The following LRP2 variants were observed in gnomAD, a reference collection of about 807,000 sequenced individuals.
LRP2 encodes LDL receptor related protein 2, also known as low-density lipoprotein receptor-related protein 2.
In LRP2, 172 loss-of-function variants were observed where a neutral mutation model predicts 531.0. The ratio of observed to expected loss-of-function variants is 0.32; its 90% CI spans 0.29 to 0.37. The LOEUF is 0.37. LRP2 is among the 10% of genes least tolerant of loss of function. The pLI, the probability that LRP2 is intolerant of heterozygous loss-of-function variation, is 1.00. For synonymous variants in LRP2, 1,992 were observed against 2,027.6 expected, an observed-to-expected ratio of 0.98 and a Z score of 0.47; for missense variants, 5,167 against 5,868.3, an observed-to-expected ratio of 0.88 and a Z score of 3.90.
chr2:169,169,822 A>C lies in LRP2; in HGVS notation c.11381-4T>G. 6.3e-7 allele frequency: 1 copy of C among 1,590,938 alleles called. No homozygotes were observed. The highest frequency in any genetic ancestry group is 8.6e-7 in the Non-Finnish European group (1 of 1,158,926). ...TCAGGATGGCAGGTCCTCATCTCTG[A>C]AGAGAAAAGATTGTCATTCCGAGAA... On this transcript the variant is annotated splice_polypyrimidine_tract_variant and splice_region_variant and intron_variant, in intron 59 of 78. Coordinates refer to ENST00000649046, the MANE Select transcript of LRP2 (RefSeq NM_004525.3).
intron 1 of LRP2, among the ~76,000 whole-genome samples, chr2:169,350,464 G>T (rs1001922203): frequency 6.6e-6 from 1 of 152,044 alleles, no homozygotes; most frequent in African/African-American, 2.4e-5. Flanking sequence ...CAGGCACAGT[G>T]GTTCATGCCT....
At chr2:169,205,884 T>C in intron 40 of LRP2, 139 bp downstream of exon 40, 1 of 1,205,092 alleles carries the variant, frequency 8.3e-7, no homozygotes, top group South Asian at 1.3e-5. Flanking sequence ...GTAAAATCAC[T>C]CAATATGCTT....
chr2:169,193,058 C>T (rs778834735), intron 47 of LRP2, among the ~76,000 whole-genome samples: 1 of 152,118 alleles, frequency 6.6e-6, no homozygotes, highest in African/African-American at 2.4e-5. Context: ...GCATAACACC[C>T]CTCCCTCCAT....
chr2:169,362,396 C>A lies in LRP2; in HGVS notation c.4G>T (p.Asp2Tyr). ...CACGCCACTGCTGCCGGCCCGCGAT[C>A]CATCTCCGCGACGGTCCCCGGCCTC... M[D>Y]RGPAAVACTL... Residue 2 changes from aspartate to tyrosine, a missense_variant, in exon 1 of 79, where the codon GAT becomes TAT. Physicochemically the swap from Asp to Tyr is radical, Grantham distance 160 (BLOSUM62 -3). Transcript: ENST00000649046. 6.4e-7 allele frequency: 1 copy of A among 1,562,536 alleles called. No homozygotes were observed. The highest frequency in any genetic ancestry group is 8.7e-7 in the Non-Finnish European group (1 of 1,155,970).
At chr2:169,158,020 A>T (rs1231359998) in intron 63 of LRP2, among the ~76,000 whole-genome samples, 1 of 150,858 alleles carries the variant, frequency 6.6e-6, no homozygotes, top group Non-Finnish European at 1.5e-5. Flanking sequence ...ATAAAATTTT[A>T]AGAAGACTAT....
At chr2:169,137,311 A>G in intron 76 of LRP2, 81 bp downstream of exon 76, 2 of 1,051,654 alleles carry the variant, frequency 1.9e-6, no homozygotes, top group Non-Finnish European at 3.0e-6. Flanking sequence ...AGGGAAGGTT[A>G]GGAAAATCCT....
intron 66 of LRP2, among the ~76,000 whole-genome samples, chr2:169,154,210 CAAG>C (rs891220026): frequency 1.3e-5 from 2 of 152,090 alleles, no homozygotes; most frequent in Non-Finnish European, 2.9e-5. Flanking sequence ...TTTCAAAATA[CAAG>C]AAGATGTGAG....
rs1159336268 is a variant in LRP2 at position 169,239,677 on chromosome 2, C to T, written c.4144G>A (p.Ala1382Thr). 2 of 1,613,420 alleles carry T rather than the reference C, an allele frequency of 1.2e-6. No individual in the cohort carries two copies. The highest frequency in any genetic ancestry group is 1.1e-5 in the South Asian group (1 of 91,062). ...KCLCPLGFLL[A>T]NDSKTCEDID... Reference sequence around the variant, plus strand: ...TCTTCACAGGTCTTAGAATCATTGGCAAGTAAGAATCCCAATGGACATAGG... The same window carrying T: ...TCTTCACAGGTCTTAGAATCATTGGTAAGTAAGAATCCCAATGGACATAGG... The change falls in exon 26 of 79, where the codon GCC (alanine) becomes ACC (threonine). Residue 1382 changes from alanine to threonine, a missense_variant. Ala to Thr is a moderately conservative substitution (Grantham distance 58). Transcript: ENST00000649046.
intron 68 of LRP2, among the ~76,000 whole-genome samples, chr2:169,148,547 G>A (rs1188267820): frequency 6.6e-6 from 1 of 152,112 alleles, no homozygotes; most frequent in African/African-American, 2.4e-5. Context: ...GGGACTGCTT[G>A]AGCCCAGGAG....
At position 169,128,101 on chromosome 2, in the gene LRP2, A is replaced by G. The variant is rs1685159112; in HGVS notation, c.*562T>C. ...CTTCTGTATTATCTGAGGAGTCTAC[A>G]GTCAAGTCCAGATGTCTATACAACA... On this transcript the variant is annotated 3_prime_UTR_variant, in exon 79 of 79. Coordinates refer to ENST00000649046, the MANE Select transcript of LRP2 (RefSeq NM_004525.3). The G allele has an allele frequency of 6.5e-6, 1 of 154,832 alleles. No homozygotes were observed. Among genetic ancestry groups the G allele is most frequent in the Non-Finnish European group, 1.4e-5 (1 of 69,682 alleles). The allele number at this position is 154,832 out of a possible 1,614,324, so 9.6% of individuals were successfully genotyped here.
At chr2:169,155,678 C>T (rs1266849785) in intron 65 of LRP2, among the ~76,000 whole-genome samples, 1 of 56,054 alleles carries the variant, frequency 1.8e-5, no homozygotes, top group Non-Finnish European at 3.5e-5. Flanking sequence ...TACATTCTTT[C>T]TCTGTTTTAT....
In LRP2 at chr2:169,151,484, C is replaced by T. The variant is rs116933981; in HGVS notation, c.12462-458G>A. ...GTCATAAGGCACGGTGGGGCTGGTG[C>T]CTTAACTCTGACTGCCCATGAGTCT... On this transcript the variant is annotated intron_variant, in intron 67 of 78. Transcript: ENST00000649046. Among the ~76,000 whole-genome samples the T allele has an allele frequency of 8.3e-4, 127 of 152,120 alleles. No individual in the cohort carries two copies. The East Asian group carries it at 0.02, about 23-fold the overall frequency.
rs776153270 is a variant in LRP2 at position 169,212,143 on chromosome 2, A to G, written c.6105T>C (p.Pro2035=). The G allele has an allele frequency of 9.9e-6, 16 of 1,613,958 alleles. No individual in the cohort carries two copies. The East Asian group carries it at 3.6e-4, about 36-fold the overall frequency. ...CGCAGGAAAACAATCCTCCTGGTAC[A>G]GGCAGGCAAATCTGCTGACAGGCAT... ...NMNACQQICL[P]VPGGLFSCAC... is the part of the protein sequence containing the mutation. The change falls in exon 37 of 79, where the codon CCT becomes CCC. Residue 2035 remains proline (P), a synonymous_variant. Coordinates refer to ENST00000649046, the MANE Select transcript of LRP2 (RefSeq NM_004525.3).
At chr2:169,284,956 C>G (rs746937333) in intron 9 of LRP2, among the ~76,000 whole-genome samples, 3 of 152,138 alleles carry the variant, frequency 2.0e-5, no homozygotes, top group Admixed American at 6.5e-5. Flanking sequence ...GAAGTCATAA[C>G]TAGGAATTCT....
intron 4 of LRP2, among the ~76,000 whole-genome samples, chr2:169,302,613 C>G (rs1039349113): frequency 6.6e-6 from 1 of 152,028 alleles, no homozygotes; most frequent in African/African-American, 2.4e-5. Flanking sequence ...GTGTGAAGGT[C>G]GAGAAACCCT....
At chr2:169,210,863 A>G (rs553541910) in intron 37 of LRP2, among the ~76,000 whole-genome samples, 1 of 152,372 alleles carries the variant, frequency 6.6e-6, no homozygotes, top group South Asian at 2.1e-4. Context: ...AAGGTTCATA[A>G]AAAATGAATG....
chr2:169,168,343 T>G (rs965208014), intron 61 of LRP2, among the ~76,000 whole-genome samples, 196 bp downstream of exon 61: 1 of 152,088 alleles, frequency 6.6e-6, no homozygotes, highest in Non-Finnish European at 1.5e-5. Flanking sequence ...TTTAAAAACA[T>G]GGAGGTTTTC....
At chr2:169,308,537 A>G (rs1234077432) in intron 3 of LRP2, among the ~76,000 whole-genome samples, 1 of 152,234 alleles carries the variant, frequency 6.6e-6, no homozygotes, top group East Asian at 1.9e-4. Flanking sequence ...CCATGTCCCT[A>G]CAAAGGACAG....
intron 1 of LRP2, among the ~76,000 whole-genome samples, chr2:169,342,015 T>A (rs527271023): frequency 6.6e-6 from 1 of 152,222 alleles, no homozygotes; most frequent in East Asian, 1.9e-4. Flanking sequence ...ATTCCTGTCC[T>A]CTGCCCTCTA....
Sources: gnomAD v4.1 joint callset for allele counts (sites outside exome capture counted in the v4.1 genomes callset) on GRCh38, gnomAD v4.1.1 for gene constraint, MANE v1.5 for transcripts, NCBI Gene and HGNC (gene_info 2026-07-23, HGNC 2026-07-21) for gene names.